UGGT2: variants seen among roughly 807,000 people sequenced by gnomAD.
UGGT2 encodes UDP-glucose glycoprotein glucosyltransferase 2, also known as UDP-glucose:glycoprotein glucosyltransferase 2.
Under a neutral mutation model 192.1 loss-of-function variants are expected in UGGT2, and 180 were observed. The ratio of observed to expected loss-of-function variants is 0.94; its 90% confidence interval spans 0.83 to 1.06. The LOEUF is 1.06. Ranked by LOEUF, UGGT2 falls within the 50% of genes least tolerant of loss-of-function variation. The pLI, the probability that UGGT2 is intolerant of heterozygous loss-of-function variation, is 0.00. For missense variants in UGGT2, 1,849 were observed against 1,795.7 expected, an observed-to-expected ratio of 1.03 and a Z score of -0.54; for synonymous variants, 580 against 591.0, an observed-to-expected ratio of 0.98 and a Z score of 0.27.
intron 1 of UGGT2, among the ~76,000 whole-genome samples, chr13:96,033,237 C>T (rs985775232): frequency 5.9e-5 from 9 of 152,224 alleles, no homozygotes; most frequent in African/African-American, 2.2e-4. Flanking sequence ...AGATTCAATG[C>T]TATTCCTAGT....
intron 38 of UGGT2, among the ~76,000 whole-genome samples, chr13:95,819,789 G>A (rs1345048326): frequency 6.6e-6 from 1 of 152,310 alleles, no homozygotes. Context: ...CAAAGGGGTA[G>A]AATCAACTAA....
intron 27 of UGGT2, among the ~76,000 whole-genome samples, chr13:95,879,388 G>A (rs1489079052): frequency 6.6e-6 from 1 of 152,156 alleles, no homozygotes; most frequent in Non-Finnish European, 1.5e-5. Flanking sequence ...TTTTCATAGA[G>A]GTGATTTAAG....
chr13:95,962,675 T>C (rs1398410004), intron 12 of UGGT2, among the ~76,000 whole-genome samples: 2 of 152,140 alleles, frequency 1.3e-5, no homozygotes, highest in African/African-American at 4.8e-5. Flanking sequence ...AGGAGAGAAT[T>C]CTTCCTAACT....
intron 1 of UGGT2, among the ~76,000 whole-genome samples, chr13:96,041,037 T>A (rs568040281): frequency 6.6e-6 from 1 of 152,300 alleles, no homozygotes; most frequent in African/African-American, 2.4e-5. Flanking sequence ...GAGCAGCATG[T>A]GGAGTCTTGA....
intron 25 of UGGT2, 75 bp from the exon 26 acceptor site, chr13:95,888,046 C>T: frequency 3.0e-6 from 3 of 999,806 alleles, no homozygotes; most frequent in Non-Finnish European, 4.4e-6. Flanking sequence ...TTACTATGTA[C>T]CAGGTACTAT....
At chr13:95,923,359 C>T (rs558487950) in intron 20 of UGGT2, among the ~76,000 whole-genome samples, 10 of 145,392 alleles carry the variant, frequency 6.9e-5, no homozygotes, top group African/African-American at 2.3e-4. Flanking sequence ...ATGCCTGGCT[C>T]AGCATATTCT....
chr13:96,033,124 T>C (rs1319638492), intron 1 of UGGT2, among the ~76,000 whole-genome samples: 1 of 152,182 alleles, frequency 6.6e-6, no homozygotes, highest in Non-Finnish European at 1.5e-5. Context: ...TACAAATCGC[T>C]GCTCAAGGAG....
chr13:95,841,588 T>G (rs889109608), intron 36 of UGGT2, among the ~76,000 whole-genome samples: 1 of 152,238 alleles, frequency 6.6e-6, no homozygotes, highest in Non-Finnish European at 1.5e-5. Flanking sequence ...TTATATGTTC[T>G]GGATTTTAGT....
intron 5 of UGGT2, among the ~76,000 whole-genome samples, chr13:96,007,808 A>T (rs944313909): frequency 1.3e-5 from 2 of 152,198 alleles, no homozygotes; most frequent in African/African-American, 4.8e-5. Flanking sequence ...AAATGGAAAG[A>T]TATTCCATGT....
chr13:95,910,928 A>C (rs545476783), intron 20 of UGGT2, among the ~76,000 whole-genome samples: 16 of 152,378 alleles, frequency 1.1e-4, no homozygotes, highest in Non-Finnish European at 1.9e-4. Context: ...CTCAGGATTA[A>C]GAAACTCACT....
At chr13:95,839,008 T>C (rs1334254325) in intron 36 of UGGT2, among the ~76,000 whole-genome samples, 3 of 152,124 alleles carry the variant, frequency 2.0e-5, no homozygotes, top group Admixed American at 1.3e-4. Context: ...ATAGTTATTC[T>C]TCTGAATATA....
intron 1 of UGGT2, among the ~76,000 whole-genome samples, chr13:96,047,258 C>A (rs1159574011): frequency 1.3e-5 from 2 of 152,176 alleles, no homozygotes; most frequent in African/African-American, 2.4e-5. Flanking sequence ...CCGGGTGCCC[C>A]TCTGAGACGA....
intron 17 of UGGT2, among the ~76,000 whole-genome samples, chr13:95,933,713 GCT>G (rs1300678783): frequency 6.6e-6 from 1 of 151,986 alleles, no homozygotes; most frequent in Non-Finnish European, 1.5e-5. Context: ...ACGAAGTCTT[GCT>G]CTGTCACCTA....
intron 1 of UGGT2, among the ~76,000 whole-genome samples, chr13:96,033,650 C>T (rs539401517): frequency 6.6e-6 from 1 of 152,340 alleles, no homozygotes; most frequent in Non-Finnish European, 1.5e-5. Context: ...CTTCTCTGCT[C>T]CCAATCCCTG....
intron 1 of UGGT2, among the ~76,000 whole-genome samples, chr13:96,045,200 T>C (rs1463589301): frequency 6.6e-6 from 1 of 152,156 alleles, no homozygotes; most frequent in East Asian, 1.9e-4. Flanking sequence ...TCAATAAATG[T>C]GATACACCAG....
intron 38 of UGGT2, among the ~76,000 whole-genome samples, chr13:95,809,041 A>G (rs1472657759): frequency 6.6e-6 from 1 of 152,206 alleles, no homozygotes; most frequent in Non-Finnish European, 1.5e-5. Flanking sequence ...TGTTAACCTG[A>G]CACCTAAGAT....
At position 95,936,912 on chromosome 13, in the gene UGGT2, A is replaced by G. The variant is rs1028390150; in HGVS notation, c.1977+12T>C. The G allele has an allele frequency of 2.0e-6, 3 of 1,510,288 alleles. No individual in the cohort carries two copies. The highest frequency in any genetic ancestry group is 2.6e-6 in the Non-Finnish European group (3 of 1,132,594). 93.6% of individuals were successfully genotyped at this position (1,510,288 alleles called of 1,614,324 possible). On this transcript the variant is annotated intron_variant, in intron 17 of 38. Transcript: ENST00000376747. The stretch of plus-strand genomic sequence containing the variant: ...ATATTCATCATGTATTTTCTTATAA[A>G]TGCTTACCTACCAAAAAAACTTCTC...
chr13:96,040,391 G>C (rs187715723), intron 1 of UGGT2, among the ~76,000 whole-genome samples: 7 of 152,174 alleles, frequency 4.6e-5, no homozygotes, highest in Admixed American at 3.9e-4. Flanking sequence ...CTTTTTGCCT[G>C]TGTCTTCTCT....
intron 20 of UGGT2, among the ~76,000 whole-genome samples, chr13:95,910,301 G>C (rs558121998): frequency 6.6e-6 from 1 of 152,236 alleles, no homozygotes; most frequent in African/African-American, 2.4e-5. Context: ...ACTGGAAATT[G>C]GATAAAGAGT....
Sources: gnomAD v4.1 joint callset for allele counts (sites outside exome capture counted in the v4.1 genomes callset) on GRCh38, gnomAD v4.1.1 for gene constraint, MANE v1.5 for transcripts, NCBI Gene and HGNC (gene_info 2026-07-23, HGNC 2026-07-21) for gene names.